The following TRHDE variants were observed in gnomAD, a reference collection of about 807,000 sequenced individuals.
The protein encoded by TRHDE is thyrotropin-releasing hormone-degrading ectoenzyme.
TRHDE carries 72 observed loss-of-function variants against 125.7 expected under a neutral mutation model. That is an observed-to-expected ratio of 0.57 (90% CI 0.47 to 0.70). The LOEUF (loss-of-function observed/expected upper bound fraction) is 0.70. TRHDE is among the 30% of genes least tolerant of loss of function. TRHDE has a pLI of 0.00. For missense variants in TRHDE, 1,110 were observed against 1,327.1 expected, an observed-to-expected ratio of 0.84 and a Z score of 2.54; for synonymous variants, 509 against 509.1, an observed-to-expected ratio of 1.00 and a Z score of 0.00.
chr12:72,330,686 T>G (rs906206334), intron 2 of TRHDE, among the ~76,000 whole-genome samples: 2 of 152,160 alleles, frequency 1.3e-5, no homozygotes, highest in Non-Finnish European at 2.9e-5. Flanking sequence ...GGCAGGACAG[T>G]TTAGTGCTGG....
chr12:72,649,433 A>T (rs1283389237), intron 15 of TRHDE, among the ~76,000 whole-genome samples: 2 of 152,120 alleles, frequency 1.3e-5, no homozygotes, highest in African/African-American at 4.8e-5. Flanking sequence ...ATGGGGCCCC[A>T]AACTGTAAAC....
intron 2 of TRHDE, among the ~76,000 whole-genome samples, chr12:72,350,866 C>A (rs1449980134): frequency 6.6e-6 from 1 of 151,992 alleles, no homozygotes; most frequent in African/African-American, 2.4e-5. Flanking sequence ...ATTTAAAAAT[C>A]TCACAGGTGA....
intron 2 of TRHDE, among the ~76,000 whole-genome samples, chr12:72,202,784 G>A (rs1046079288): frequency 2.6e-5 from 4 of 152,086 alleles, no homozygotes; most frequent in Non-Finnish European, 5.9e-5. Context: ...GTCTATGTAT[G>A]TCCATTAGGT....
intron 3 of TRHDE, among the ~76,000 whole-genome samples, chr12:72,411,288 T>C (rs1873497995): frequency 6.6e-6 from 1 of 151,508 alleles, no homozygotes. Context: ...GATTCAACTA[T>C]TATTACTAAT....
At chr12:72,523,278 T>G (rs1273271763) in intron 6 of TRHDE, among the ~76,000 whole-genome samples, 1 of 152,178 alleles carries the variant, frequency 6.6e-6, no homozygotes, top group Non-Finnish European at 1.5e-5. Context: ...GGTGCTAGAT[T>G]ACCAGGTATT....
intron 3 of TRHDE, among the ~76,000 whole-genome samples, chr12:72,457,165 A>C (rs1875897434): frequency 1.3e-5 from 2 of 152,132 alleles, no homozygotes; most frequent in African/African-American, 4.8e-5. Context: ...CGGAAAGTCT[A>C]TAGGTTTGGA....
At chr12:72,508,722 G>A (rs916845981) in intron 6 of TRHDE, among the ~76,000 whole-genome samples, 1 of 152,104 alleles carries the variant, frequency 6.6e-6, no homozygotes, top group South Asian at 2.1e-4. Context: ...TTGTATTTGC[G>A]ATGGGAGAAG....
At chr12:72,130,975 T>C (rs2139307690) in intron 2 of TRHDE, among the ~76,000 whole-genome samples, 2 of 152,220 alleles carry the variant, frequency 1.3e-5, no homozygotes, top group Middle Eastern at 3.4e-3. Flanking sequence ...TAGGTCTTTT[T>C]CTACATACTG....
intron 2 of TRHDE, among the ~76,000 whole-genome samples, chr12:72,173,603 G>A (rs1216897649): frequency 6.6e-6 from 1 of 152,070 alleles, no homozygotes; most frequent in East Asian, 1.9e-4. Flanking sequence ...AATGCTGGGT[G>A]CAAATTAAAG....
intron 1 of TRHDE, among the ~76,000 whole-genome samples, chr12:72,088,898 A>G (rs1016821268): frequency 6.6e-6 from 1 of 152,002 alleles, no homozygotes; most frequent in Non-Finnish European, 1.5e-5. Flanking sequence ...TAATTCCTAA[A>G]TATGTATCTC....
At chr12:72,543,206 T>G (rs1565784327) in intron 7 of TRHDE, among the ~76,000 whole-genome samples, 2 of 151,462 alleles carry the variant, frequency 1.3e-5, no homozygotes, top group Admixed American at 6.6e-5. Flanking sequence ...CCAGGTCATA[T>G]TTTAGTAGTA....
At chr12:72,164,206 G>C (rs1876695031) in intron 2 of TRHDE, among the ~76,000 whole-genome samples, 1 of 152,192 alleles carries the variant, frequency 6.6e-6, no homozygotes. Context: ...TTTTCTATAG[G>C]CTGGAAATAA....
intron 6 of TRHDE, among the ~76,000 whole-genome samples, chr12:72,511,083 A>G (rs1592500191): frequency 6.6e-6 from 1 of 152,216 alleles, no homozygotes; most frequent in South Asian, 2.1e-4. Context: ...ATAAAAGGCA[A>G]TTAAACATTT....
At chr12:72,588,531 T>G (rs949860761) in intron 12 of TRHDE, among the ~76,000 whole-genome samples, 2 of 152,186 alleles carry the variant, frequency 1.3e-5, no homozygotes, top group African/African-American at 4.8e-5. Flanking sequence ...ATTTGCAGTT[T>G]TTTTCAGAGT....
At chr12:72,500,774 A>G (rs1878116352) in intron 6 of TRHDE, among the ~76,000 whole-genome samples, 1 of 150,964 alleles carries the variant, frequency 6.6e-6, no homozygotes, top group Non-Finnish European at 1.5e-5. Context: ...GTTAGAAGTT[A>G]TACCCTGAAG....
chr12:72,174,716 A>G (rs1453643471), intron 2 of TRHDE, among the ~76,000 whole-genome samples: 1 of 152,206 alleles, frequency 6.6e-6, no homozygotes, highest in African/African-American at 2.4e-5. Context: ...CTGTAAGAAT[A>G]CTACATAAAT....
At chr12:72,275,065 G>A (rs1416288689) in intron 1 of TRHDE, among the ~76,000 whole-genome samples, 37 of 152,224 alleles carry the variant, frequency 2.4e-4, no homozygotes, top group Non-Finnish European at 8.8e-5. Flanking sequence ...ATGAGGCAGA[G>A]CCTCTCCTTT....
upstream of TRHDE, among the ~76,000 whole-genome samples, chr12:72,269,956 C>A (rs759208744): frequency 6.6e-6 from 1 of 152,112 alleles, no homozygotes; most frequent in Non-Finnish European, 1.5e-5. Context: ...TTAGACTCCC[C>A]GGGATGATTC....
At chr12:72,397,702 G>A (rs1260975767) in intron 3 of TRHDE, among the ~76,000 whole-genome samples, 3 of 152,090 alleles carry the variant, frequency 2.0e-5, no homozygotes, top group African/African-American at 7.2e-5. Flanking sequence ...TTGGAAATAT[G>A]TTCAAGTGCT....
Sources: allele counts gnomAD v4.1 joint callset (sites outside exome capture counted in the v4.1 genomes callset), GRCh38; gene constraint gnomAD v4.1.1; transcripts MANE v1.5; gene names NCBI Gene and HGNC (gene_info 2026-07-23, HGNC 2026-07-21).